Variants in KCNK2 observed in about 807,000 individuals in gnomAD.
KCNK2 encodes the protein potassium channel subfamily K member 2.
In KCNK2, 21 loss-of-function variants were observed where a neutral mutation model predicts 40.5. The ratio of observed to expected loss-of-function variants is 0.52; its 90% confidence interval spans 0.37 to 0.75. The LOEUF (loss-of-function observed/expected upper bound fraction) is 0.75, where lower values mean the gene tolerates loss of function less well. KCNK2 is among the 30% of genes least tolerant of loss of function. The probability of loss-of-function intolerance (pLI) is 0.00; values close to 1 mark genes in which losing one functional copy is unlikely to be tolerated. For missense variants in KCNK2, 399 were observed against 531.6 expected, an observed-to-expected ratio of 0.75 and a Z score of 2.45; for synonymous variants, 191 against 202.2, an observed-to-expected ratio of 0.94 and a Z score of 0.47.
chr1:215,022,859 C>T (rs1023172690), intron 1 of KCNK2, among the ~76,000 whole-genome samples: 3 of 152,148 alleles, frequency 2.0e-5, no homozygotes, highest in African/African-American at 7.2e-5. Context: ...AATGTTTATG[C>T]AAGGACTTTG....
intron 3 of KCNK2, among the ~76,000 whole-genome samples, chr1:215,143,188 C>T (rs1662263153): frequency 1.3e-5 from 2 of 151,850 alleles, no homozygotes; most frequent in South Asian, 4.2e-4. Flanking sequence ...ATAAATAGAT[C>T]TATTTGTGCA....
chr1:215,123,044 G>A (rs1026158541), intron 2 of KCNK2, among the ~76,000 whole-genome samples: 1 of 151,888 alleles, frequency 6.6e-6, no homozygotes, highest in Non-Finnish European at 1.5e-5. Context: ...ACGCCCCACC[G>A]AAAACATTCA....
intron 1 of KCNK2, among the ~76,000 whole-genome samples, chr1:215,060,154 T>G (rs888390056): frequency 6.6e-6 from 1 of 152,128 alleles, no homozygotes; most frequent in African/African-American, 2.4e-5. Context: ...CTGGCAGAGA[T>G]TCAGTCCGCA....
intron 2 of KCNK2, among the ~76,000 whole-genome samples, chr1:215,091,366 T>A (rs888013368): frequency 2.0e-5 from 3 of 152,090 alleles, no homozygotes; most frequent in Non-Finnish European, 4.4e-5. Context: ...CTAGGCCTAC[T>A]CCTCCACTTG....
intron 2 of KCNK2, among the ~76,000 whole-genome samples, chr1:215,097,483 G>A (rs933729576): frequency 5.2e-5 from 7 of 133,678 alleles, no homozygotes; most frequent in African/African-American, 1.5e-4. Flanking sequence ...TCCTTTTGGG[G>A]TGAATGTTAA....
chr1:215,204,673 C>CA (rs753824818), intron 6 of KCNK2, among the ~76,000 whole-genome samples: 7 of 152,028 alleles, frequency 4.6e-5, no homozygotes, highest in African/African-American at 7.2e-5. Context: ...TCTCATTTTA[C>CA]AAAAAATCAA....
chr1:215,070,374 C>G (rs977597545), intron 1 of KCNK2, among the ~76,000 whole-genome samples: 21 of 146,072 alleles, frequency 1.4e-4, no homozygotes, highest in African/African-American at 5.4e-4. Flanking sequence ...CGAGATTGCA[C>G]CACTGCACTC....
chr1:215,188,720 G>T (rs1252846855), intron 5 of KCNK2, among the ~76,000 whole-genome samples: 1 of 152,118 alleles, frequency 6.6e-6, no homozygotes, highest in East Asian at 1.9e-4. Flanking sequence ...GCTGATAACT[G>T]AGTAGAAATT....
At chr1:215,167,931 G>C (rs1366019568) in intron 3 of KCNK2, among the ~76,000 whole-genome samples, 5 of 151,994 alleles carry the variant, frequency 3.3e-5, no homozygotes, top group Admixed American at 3.3e-4. Flanking sequence ...AGAGCAAACA[G>C]GCAACCTACA....
chr1:215,078,064 T>G (rs1207463463), upstream of KCNK2, among the ~76,000 whole-genome samples: 2 of 152,198 alleles, frequency 1.3e-5, no homozygotes, highest in Non-Finnish European at 1.5e-5. Context: ...GGAAGAAGAA[T>G]AATTGTCTTG....
intron 2 of KCNK2, among the ~76,000 whole-genome samples, chr1:215,121,003 T>C (rs1219217415): frequency 6.6e-6 from 1 of 152,220 alleles, no homozygotes; most frequent in Non-Finnish European, 1.5e-5. Flanking sequence ...ACTTAAACCA[T>C]TGATGACTTT....
intron 3 of KCNK2, among the ~76,000 whole-genome samples, chr1:215,131,905 G>A (rs1432159713): frequency 6.6e-6 from 1 of 151,982 alleles, no homozygotes; most frequent in Non-Finnish European, 1.5e-5. Context: ...CTTTCAGTTG[G>A]CTTTTACCTA....
At chr1:215,211,492 T>C (rs1665744083) in intron 6 of KCNK2, among the ~76,000 whole-genome samples, 1 of 152,150 alleles carries the variant, frequency 6.6e-6, no homozygotes, top group Non-Finnish European at 1.5e-5. Context: ...TTCATCATAT[T>C]CACCAACGTC....
Position 215,202,051 on chromosome 1 carries a change from G to C in KCNK2, c.963+6959G>C, listed in dbSNP as rs143945014. Among the ~76,000 whole-genome samples the C allele has an allele frequency of 8.3e-3, 1,256 of 152,192 alleles. 24 individuals carry two copies. The highest frequency in any genetic ancestry group is 0.028 in the African/African-American group (1,176 of 41,518). ...ATTGTTCTCTTACTGAGATATTCAA[G>C]TAGTTATAAATGACTACTTGAAATT... is the stretch of plus-strand genomic sequence containing the variant. On this transcript the variant is annotated intron_variant, in intron 6 of 6. Coordinates refer to ENST00000444842, the MANE Select transcript of KCNK2 (RefSeq NM_001017425.3).
chr1:215,087,852 A>T (rs1378255820), intron 2 of KCNK2, among the ~76,000 whole-genome samples: 1 of 152,172 alleles, frequency 6.6e-6, no homozygotes, highest in Non-Finnish European at 1.5e-5. Context: ...TGCCCTTCAT[A>T]GTCCTCTCAA....
upstream of KCNK2, among the ~76,000 whole-genome samples, chr1:215,080,459 T>A (rs1253012868): frequency 6.6e-6 from 1 of 152,186 alleles, no homozygotes; most frequent in Non-Finnish European, 1.5e-5. Context: ...TCATCTCATT[T>A]CTCATGTATG....
Position 215,055,327 on chromosome 1 carries a change from A to T in KCNK2, c.35-31041A>T, listed in dbSNP as rs147902466. Among the ~76,000 whole-genome samples the T allele has an allele frequency of 3.9e-3, 600 of 152,314 alleles. 4 individuals are homozygous for T. Among genetic ancestry groups the T allele is most frequent in the African/African-American group, 0.014 (568 of 41,564 alleles). ...AGAATGTGTTCCCATTTCACAGAGG[A>T]TATGACACATATCAGTTATTCATGA... On this transcript the variant is annotated intron_variant, in intron 1 of 6. Coordinates refer to the KCNK2 transcript ENST00000391895.
chr1:215,007,025 A>ATGTGTGTGTGTG (rs1164769909), intron 1 of KCNK2, among the ~76,000 whole-genome samples: 3 of 32,036 alleles, frequency 9.4e-5, no homozygotes, highest in Non-Finnish European at 8.9e-5. Context: ...ATATATATAT[A>ATGTGTGTGTGTG]TATATATATA....
intron 3 of KCNK2, among the ~76,000 whole-genome samples, chr1:215,166,070 T>C (rs1019391018): frequency 3.9e-5 from 6 of 152,180 alleles, no homozygotes; most frequent in Non-Finnish European, 8.8e-5. Context: ...ATCTAACATC[T>C]TAAAAGATTT....
Sources: gnomAD v4.1 joint callset for allele counts (sites outside exome capture counted in the v4.1 genomes callset) on GRCh38, gnomAD v4.1.1 for gene constraint, MANE v1.5 for transcripts, NCBI Gene and HGNC (gene_info 2026-07-23, HGNC 2026-07-21) for gene names.